The following PTPN1 variants were observed in gnomAD, a reference collection of about 807,000 sequenced individuals.
PTPN1 encodes tyrosine-protein phosphatase non-receptor type 1.
In PTPN1, 12 loss-of-function variants were observed where a neutral mutation model predicts 59.9. The ratio of observed to expected loss-of-function variants is 0.20; its 90% CI spans 0.13 to 0.32. The LOEUF is 0.32. Ranked by LOEUF, PTPN1 falls within the 10% of genes least tolerant of loss-of-function variation. The pLI, the probability that PTPN1 is intolerant of heterozygous loss-of-function variation, is 1.00. For missense variants in PTPN1, 356 were observed against 549.2 expected (o/e 0.65, Z 3.52); for synonymous variants, 178 against 203.6 (o/e 0.87, Z 1.07).
rs1273826199 is a variant in PTPN1 at position 50,510,518 on chromosome 20, C to T, written c.-10C>T. The T allele has an allele frequency of 6.5e-7, 1 of 1,549,844 alleles. No individual in the cohort carries two copies. Among genetic ancestry groups the T allele is most frequent in the Non-Finnish European group, 8.7e-7 (1 of 1,146,160 alleles). On this transcript the variant is annotated 5_prime_UTR_variant, in exon 1 of 10. Coordinates refer to ENST00000371621, the MANE Select transcript of PTPN1 (RefSeq NM_002827.4). ...CCGAGAAGGAGGCGCAGCAGCCGCC[C>T]TGGCCCGTCATGGAGATGGAAAAGG... is the stretch of plus-strand genomic sequence containing the variant.
Position 50,579,812 on chromosome 20 carries a change from G to A in PTPN1, c.974G>A (p.Arg325Lys). The change falls in exon 8 of 10, where the codon AGG becomes AAG. Residue 325 changes from arginine (R) to lysine (K), a missense_variant. Transcript: ENST00000371621. Reference sequence around the variant, plus strand: ...CTGGAGCCACACAATGGGAAATGCAGGGAGTTCTTCCCAAATCACCAGTGG... The same window carrying A: ...CTGGAGCCACACAATGGGAAATGCAAGGAGTTCTTCCCAAATCACCAGTGG... Reference protein sequence around the residue: ...RILEPHNGKCREFFPNHQWVK... With the variant: ...RILEPHNGKCKEFFPNHQWVK... The A allele has an allele frequency of 6.2e-7, 1 of 1,614,128 alleles. No individual in the cohort carries two copies. The highest frequency in any genetic ancestry group is 8.5e-7 in the Non-Finnish European group (1 of 1,180,010).
At chr20:50,526,925 C>T (rs1434250438) in intron 1 of PTPN1, among the ~76,000 whole-genome samples, 1 of 152,086 alleles carries the variant, frequency 6.6e-6, no homozygotes, top group East Asian at 1.9e-4. Context: ...CAGTATTGAG[C>T]CCCTAGAAAT....
intron 1 of PTPN1, among the ~76,000 whole-genome samples, chr20:50,548,064 G>C (rs1323063908): frequency 1.3e-5 from 2 of 151,992 alleles, no homozygotes; most frequent in South Asian, 4.1e-4. Context: ...CAGCTTGACC[G>C]TTTGCCTCCG....
chr20:50,552,591 G>A (rs6020599), intron 1 of PTPN1, among the ~76,000 whole-genome samples: 1 of 152,172 alleles, frequency 6.6e-6, no homozygotes, highest in Middle Eastern at 3.4e-3. Context: ...CACTATGGGA[G>A]GCTGAGACTG....
intron 8 of PTPN1, among the ~76,000 whole-genome samples, 186 bp from the exon 9 acceptor site, chr20:50,581,079 G>C (rs1257841544): frequency 6.6e-6 from 1 of 152,160 alleles, no homozygotes; most frequent in Non-Finnish European, 1.5e-5. Flanking sequence ...GTGGACTTCA[G>C]GCTGATGTGG....
chr20:50,536,078 C>G (rs1437920370), intron 1 of PTPN1, among the ~76,000 whole-genome samples: 1 of 152,158 alleles, frequency 6.6e-6, no homozygotes, highest in Admixed American at 6.6e-5. Context: ...GCAAATTTTA[C>G]CTCATATCTA....
intron 1 of PTPN1, among the ~76,000 whole-genome samples, chr20:50,541,289 A>G (rs1346256536): frequency 6.6e-6 from 1 of 152,222 alleles, no homozygotes; most frequent in Admixed American, 6.5e-5. Context: ...TGCCATCGTC[A>G]TCATCATGCT....
Position 50,574,632 on chromosome 20 carries a change from A to T in PTPN1, c.470A>T (p.Gln157Leu). Reference protein sequence around the residue: ...EDIKSYYTVRQLELENLTTQE... With the variant: ...EDIKSYYTVRLLELENLTTQE... ...ATCAAGTCATATTATACAGTGCGAC[A>T]GCTAGAATTGGAAAACCTTACAGTG... Residue 157 changes from glutamine to leucine, a missense_variant, in exon 5 of 10, where the codon CAG (glutamine) becomes CTG (leucine). By Grantham distance (113) the Gln-to-Leu change is moderately radical (BLOSUM62 -2). Coordinates refer to ENST00000371621, the MANE Select transcript of PTPN1 (RefSeq NM_002827.4). The T allele has an allele frequency of 6.2e-7, 1 of 1,604,028 alleles. No individual in the cohort carries two copies. The highest frequency in any genetic ancestry group is 8.5e-7 in the Non-Finnish European group (1 of 1,177,040).
chr20:50,520,904 A>G, intron 1 of PTPN1, among the ~76,000 whole-genome samples: 1 of 152,230 alleles, frequency 6.6e-6, no homozygotes, highest in Admixed American at 6.5e-5. Flanking sequence ...GCCATATAGC[A>G]TTACCTAGAT....
intron 1 of PTPN1, among the ~76,000 whole-genome samples, chr20:50,523,160 G>A (rs777689110): frequency 1.3e-5 from 2 of 152,086 alleles, no homozygotes; most frequent in African/African-American, 4.8e-5. Flanking sequence ...AAGAGGAAAC[G>A]GGAGGAATGT....
chr20:50,565,058 A>G lies in PTPN1; in HGVS notation c.244A>G (p.Ile82Val). The G allele has an allele frequency of 1.9e-6, 3 of 1,611,376 alleles. No homozygotes were observed. Among genetic ancestry groups the G allele is most frequent in the Non-Finnish European group, 1.7e-6 (2 of 1,179,256 alleles). Residue 82 changes from isoleucine to valine, a missense_variant, in exon 3 of 10, where the codon ATT (isoleucine) becomes GTT (valine). Transcript: ENST00000371621. ...IKMEEAQRSY[I>V]LTQGPLPNTC... Reference sequence around the variant, plus strand: ...AATGGAAGAAGCCCAAAGGAGTTACATTCTTACCCAGGTAAGCAGATTGTC... The same window carrying G: ...AATGGAAGAAGCCCAAAGGAGTTACGTTCTTACCCAGGTAAGCAGATTGTC...
chr20:50,582,967 G>A lies in PTPN1; in HGVS notation c.*252G>A, dbSNP rs1015114336. The stretch of plus-strand genomic sequence containing the variant: ...CATTTTTTGAGGAGAGTGAAAGAGA[G>A]TACCATGCTGGCGGCGCAGAGGGAA... On this transcript the variant is annotated 3_prime_UTR_variant, in exon 10 of 10. Transcript: ENST00000371621. This position sits in a 1 kb window ranked among gnomAD's most constrained non-coding sequence, Gnocchi z 4.2. The A allele has an allele frequency of 3.6e-6, 2 of 562,022 alleles. No homozygotes were observed. Among genetic ancestry groups the A allele is most frequent in the Non-Finnish European group, 6.4e-6 (2 of 312,744 alleles). 34.8% of individuals were successfully genotyped at this position (562,022 alleles called of 1,614,324 possible).
intron 1 of PTPN1, among the ~76,000 whole-genome samples, chr20:50,549,239 A>G (rs1157252122): frequency 6.6e-6 from 1 of 152,058 alleles, no homozygotes; most frequent in Non-Finnish European, 1.5e-5. Context: ...GTTTTCTCTA[A>G]ATTTAATTGA....
rs1023000778 is a variant in PTPN1 at position 50,581,131 on chromosome 20, G to C, written c.1089-134G>C. 1.4e-5 allele frequency: 19 copies of C among 1,383,098 alleles called. No individual in the cohort carries two copies. The African/African-American group carries it at 2.5e-4, about 18-fold the overall frequency. The allele number at this position is 1,383,098 out of a possible 1,614,324, so 85.7% of individuals were successfully genotyped here. A position where few individuals can be genotyped will look rare whatever the true frequency, so the allele number is the denominator to read the frequency against. The stretch of plus-strand genomic sequence containing the variant: ...CCCTCCAAGCAGAGGGGGCTGGCTC[G>C]CTGGAAGGTTAACATCATCCAACTC... On this transcript the variant is annotated intron_variant, in intron 8 of 9. Transcript: ENST00000371621.
chr20:50,544,981 G>A (rs1489449785), intron 1 of PTPN1, among the ~76,000 whole-genome samples: 3 of 152,124 alleles, frequency 2.0e-5, no homozygotes, highest in Admixed American at 2.0e-4. Context: ...ACTCCAGCCT[G>A]GGTGAAACTC....
chr20:50,538,941 G>A (rs1185939055), intron 1 of PTPN1, among the ~76,000 whole-genome samples: 2 of 150,070 alleles, frequency 1.3e-5, no homozygotes, highest in Admixed American at 6.6e-5. Context: ...GGACATAGCT[G>A]TAGTATAGAG....
chr20:50,534,106 A>G (rs938286204), intron 1 of PTPN1, among the ~76,000 whole-genome samples: 19 of 152,198 alleles, frequency 1.2e-4, no homozygotes, highest in Admixed American at 9.2e-4. Flanking sequence ...TGATTTTTGT[A>G]TTAGAGACAG....
At chr20:50,524,659 C>T (rs2082566268) in intron 1 of PTPN1, among the ~76,000 whole-genome samples, 1 of 145,336 alleles carries the variant, frequency 6.9e-6, no homozygotes, top group Non-Finnish European at 1.5e-5. Context: ...TCACTGCAAC[C>T]TCCGCCTCCC....
intron 1 of PTPN1, among the ~76,000 whole-genome samples, chr20:50,510,809 C>T (rs2082503689): frequency 6.6e-6 from 1 of 152,188 alleles, no homozygotes; most frequent in African/African-American, 2.4e-5. Context: ...GATCCCCCAC[C>T]TCCCTTCTGT....
Sources: gnomAD v4.1 joint callset for allele counts (sites outside exome capture counted in the v4.1 genomes callset) on GRCh38, gnomAD v4.1.1 for gene constraint, Gnocchi (gnomAD v3.1) non-coding constraint, MANE v1.5 for transcripts, NCBI Gene and HGNC (gene_info 2026-07-23, HGNC 2026-07-21) for gene names.